The following PDSS2 variants were observed in gnomAD, a reference collection of about 807,000 sequenced individuals.
The protein encoded by PDSS2 is decaprenyl diphosphate synthase subunit 2, also known as all trans-polyprenyl-diphosphate synthase PDSS2.
In PDSS2, 31 loss-of-function variants were observed where a neutral mutation model predicts 44.5. The ratio of observed to expected loss-of-function variants is 0.70; its 90% CI spans 0.52 to 0.94. The LOEUF is 0.94. Among genes scored for constraint, PDSS2 ranks in the 40% least tolerant of loss-of-function variants. The probability of loss-of-function intolerance (pLI) is 0.00; values close to 1 mark genes in which losing one functional copy is unlikely to be tolerated. For synonymous variants in PDSS2, 157 were observed against 180.3 expected (o/e 0.87, Z 1.03); for missense variants, 452 against 482.2 (o/e 0.94, Z 0.59).
chr6:107,159,381 G>GAGA (rs1771036001), intron 7 of PDSS2, among the ~76,000 whole-genome samples: 1 of 150,542 alleles, frequency 6.6e-6, no homozygotes, highest in African/African-American at 2.4e-5. Flanking sequence ...GGGAGGAAGG[G>GAGA]AGAGAAAGCA....
chr6:107,350,785 G>T (rs910463149), intron 1 of PDSS2, among the ~76,000 whole-genome samples: 3 of 152,010 alleles, frequency 2.0e-5, no homozygotes, highest in African/African-American at 7.2e-5. Flanking sequence ...GCTCCAGCCT[G>T]GGTGAACAGA....
At chr6:107,207,154 G>A (rs1038149189) in intron 6 of PDSS2, among the ~76,000 whole-genome samples, 3 of 151,868 alleles carry the variant, frequency 2.0e-5, no homozygotes, top group Non-Finnish European at 4.4e-5. Context: ...CACTGTGCCC[G>A]ACTAATTTTT....
rs563535523 is a variant in PDSS2 at position 107,166,610 on chromosome 6, C to T, written c.1042-11833G>A. 1.8e-3 allele frequency among the ~76,000 whole-genome samples: 275 copies of T among 152,182 alleles called. 2 individuals carry two copies. The South Asian group carries it at 0.032, about 18-fold the overall frequency. On this transcript the variant is annotated intron_variant, in intron 7 of 7. Transcript: ENST00000369037. ...CGATCTCCTGACCTCGTGATCCGCC[C>T]GCCTCGGCCTCCCAAAGTGCTGGGA...
intron 7 of PDSS2, among the ~76,000 whole-genome samples, chr6:107,181,336 C>A (rs1037769401): frequency 3.3e-5 from 5 of 151,082 alleles, no homozygotes; most frequent in Admixed American, 2.0e-4. Context: ...AGTTCAAGAT[C>A]AGCCTAGCCA....
intron 4 of PDSS2, among the ~76,000 whole-genome samples, chr6:107,215,708 A>G (rs1773388495): frequency 2.0e-5 from 3 of 152,344 alleles, no homozygotes; most frequent in Non-Finnish European, 4.4e-5. Context: ...GTAAGGTAGC[A>G]GTGTCTAAAA....
chr6:107,396,008 C>T (rs1275320941), intron 1 of PDSS2, among the ~76,000 whole-genome samples: 1 of 152,134 alleles, frequency 6.6e-6, no homozygotes, highest in African/African-American at 2.4e-5. Context: ...AAAGGTGTGA[C>T]CCTTCTAATA....
intron 6 of PDSS2, among the ~76,000 whole-genome samples, chr6:107,201,729 C>G (rs1406592987): frequency 1.3e-5 from 2 of 152,140 alleles, no homozygotes; most frequent in Admixed American, 6.6e-5. Flanking sequence ...CTAATCATCT[C>G]TACTTATCAG....
chr6:107,364,950 C>T (rs1182733475), intron 1 of PDSS2, among the ~76,000 whole-genome samples: 5 of 152,112 alleles, frequency 3.3e-5, no homozygotes, highest in East Asian at 1.9e-4. Context: ...CTGGGGGAGG[C>T]GGGGAAGGCT....
intron 2 of PDSS2, among the ~76,000 whole-genome samples, chr6:107,275,964 A>T (rs1262548865): frequency 6.6e-6 from 1 of 152,016 alleles, no homozygotes; most frequent in Admixed American, 6.6e-5. Context: ...AAATTAAAAA[A>T]TAAAAATTAG....
chr6:107,169,321 A>G (rs577815122), intron 7 of PDSS2, among the ~76,000 whole-genome samples: 1 of 151,968 alleles, frequency 6.6e-6, no homozygotes, highest in Admixed American at 6.6e-5. Flanking sequence ...CATGGTTTTC[A>G]GCTCCATCAG....
chr6:107,381,906 G>A (rs1252906744), intron 1 of PDSS2, among the ~76,000 whole-genome samples: 1 of 152,170 alleles, frequency 6.6e-6, no homozygotes, highest in Non-Finnish European at 1.5e-5. Context: ...TAGCTGCACA[G>A]TTTATACAAA....
Position 107,208,285 on chromosome 6 carries a change from CTTTTTTTTTTTT to C in PDSS2, c.1008+2142_1008+2153del, listed in dbSNP as rs1164014672. Among the ~76,000 whole-genome samples the C allele has an allele frequency of 5.1e-3, 274 of 53,306 alleles. 5 individuals carry two copies. The highest frequency in any genetic ancestry group is 0.031 in the Admixed American group (97 of 3,120). 35.0% of individuals were successfully genotyped at this position (53,306 alleles called of 152,430 possible). On this transcript the variant is annotated intron_variant, in intron 6 of 7. Coordinates refer to ENST00000369037, the MANE Select transcript of PDSS2 (RefSeq NM_020381.4). The stretch of plus-strand genomic sequence containing the variant: ...ACAGGTGTAAGCCACCATGCCTGGC[CTTTTTTTTTTTT>C]TTTTTTTTTTTTTTTTTTAAAGACA...
intron 7 of PDSS2, among the ~76,000 whole-genome samples, chr6:107,176,932 C>T (rs1487826108): frequency 1.3e-5 from 2 of 151,840 alleles, no homozygotes; most frequent in African/African-American, 4.8e-5. Flanking sequence ...GTAGTGCTTG[C>T]TATGTCAAGG....
chr6:107,359,917 T>C (rs1778716257), intron 1 of PDSS2, among the ~76,000 whole-genome samples: 1 of 152,142 alleles, frequency 6.6e-6, no homozygotes, highest in African/African-American at 2.4e-5. Context: ...GTACATCCTT[T>C]CCTATTCTTT....
At chr6:107,367,219 T>C in intron 1 of PDSS2, among the ~76,000 whole-genome samples, 1 of 152,218 alleles carries the variant, frequency 6.6e-6, no homozygotes, top group Non-Finnish European at 1.5e-5. Context: ...AAGTATTTAA[T>C]ATCCATATTA....
intron 1 of PDSS2, among the ~76,000 whole-genome samples, chr6:107,413,732 T>G (rs1332113074): frequency 6.6e-6 from 1 of 152,232 alleles, no homozygotes; most frequent in East Asian, 1.9e-4. Context: ...CCCAAAGTGC[T>G]GGGATTACAG....
intron 7 of PDSS2, among the ~76,000 whole-genome samples, chr6:107,163,419 A>G (rs1370575936): frequency 6.6e-6 from 1 of 152,184 alleles, no homozygotes; most frequent in Non-Finnish European, 1.5e-5. Context: ...ATGACTTATC[A>G]GTAATATAAT....
chr6:107,211,255 T>C (rs1773193585), intron 5 of PDSS2, among the ~76,000 whole-genome samples: 1 of 151,614 alleles, frequency 6.6e-6, no homozygotes, highest in African/African-American at 2.4e-5. Context: ...AACATCTGAA[T>C]AGTATATATT....
chr6:107,244,107 A>G (rs1401893300), intron 4 of PDSS2, among the ~76,000 whole-genome samples: 1 of 152,196 alleles, frequency 6.6e-6, no homozygotes, highest in Non-Finnish European at 1.5e-5. Context: ...CAGCCTGGGC[A>G]ACAAGAGCGA....
Sources: allele counts gnomAD v4.1 joint callset (sites outside exome capture counted in the v4.1 genomes callset), GRCh38; gene constraint gnomAD v4.1.1; transcripts MANE v1.5; gene names NCBI Gene and HGNC (gene_info 2026-07-23, HGNC 2026-07-21).